The following B4GALT4 variants were observed in gnomAD, a reference collection of about 807,000 sequenced individuals.
B4GALT4 encodes the protein beta-1,4-galactosyltransferase 4.
A neutral mutation model predicts 37.3 loss-of-function variants in B4GALT4; 27 were observed. The observed-to-expected ratio is 0.72, with a 90% CI of 0.53 to 1.00. The LOEUF (loss-of-function observed/expected upper bound fraction) is 1.00, where lower values mean the gene tolerates loss of function less well. B4GALT4 is among the 50% of genes least tolerant of loss of function. The pLI is 0.00. For missense variants in B4GALT4, 372 were observed against 413.1 expected (o/e 0.90, Z 0.86); for synonymous variants, 148 against 154.1 (o/e 0.96, Z 0.29).
chr3:119,238,500 T>C (rs1168133393), intron 1 of B4GALT4, among the ~76,000 whole-genome samples: 1 of 152,190 alleles, frequency 6.6e-6, no homozygotes, highest in Non-Finnish European at 1.5e-5. Flanking sequence ...TAAAATATAG[T>C]AGTCCTTGGT....
chr3:119,217,182 G>C (rs1453088725), intron 6 of B4GALT4, among the ~76,000 whole-genome samples: 1 of 152,228 alleles, frequency 6.6e-6, no homozygotes, highest in African/African-American at 2.4e-5. Flanking sequence ...GAAGATATGT[G>C]ATCAGGGCAA....
intron 3 of B4GALT4, 23 bp downstream of exon 3, chr3:119,229,824 C>T: frequency 6.2e-7 from 1 of 1,609,204 alleles, no homozygotes; most frequent in Non-Finnish European, 8.5e-7. Flanking sequence ...ACTACTTAAT[C>T]AAAGGAAAAA....
At chr3:119,227,477 C>T (rs1207500756) in intron 3 of B4GALT4, among the ~76,000 whole-genome samples, 8 of 152,152 alleles carry the variant, frequency 5.3e-5, no homozygotes, top group Non-Finnish European at 1.2e-4. Flanking sequence ...CTGGACAAGG[C>T]ACTCTTCCCA....
intron 6 of B4GALT4, among the ~76,000 whole-genome samples, chr3:119,216,656 G>T (rs1186291055): frequency 6.6e-6 from 1 of 152,100 alleles, no homozygotes. Context: ...AAAAAAAAAT[G>T]ATAAAGTACT....
chr3:119,227,260 A>G (rs1462798707), intron 3 of B4GALT4, among the ~76,000 whole-genome samples: 3 of 152,228 alleles, frequency 2.0e-5, no homozygotes, highest in Admixed American at 6.5e-5. Context: ...TGGTGGATAT[A>G]TAATATAAGC....
At chr3:119,216,637 T>C (rs1383367223) in intron 6 of B4GALT4, among the ~76,000 whole-genome samples, 1 of 152,204 alleles carries the variant, frequency 6.6e-6, no homozygotes, top group African/African-American at 2.4e-5. Flanking sequence ...CTTAGTCATT[T>C]TCAAAAAGAA....
rs749718696 is a variant in B4GALT4 at position 119,218,721 on chromosome 3, C to G, written c.726G>C (p.Gln242His). 1.2e-6 allele frequency: 2 copies of G among 1,614,098 alleles called. No individual in the cohort carries two copies. Among genetic ancestry groups the G allele is most frequent in the African/African-American group, 2.7e-5 (2 of 74,940 alleles). The change falls in exon 6 of 8, where the codon CAG becomes CAC. Residue 242 changes from glutamine (Q) to histidine (H), a missense_variant. By Grantham distance (24) the Gln-to-His change is conservative. Transcript: ENST00000393765. ...FGGVTALSRE[Q>H]FFKVNGFSNN... is the part of the protein sequence containing the mutation. ...TAGAGAATCCATTCACCTTGAAAAA[C>G]TGCTCTCTGCTTAGGGCAGTAACAC...
chr3:119,229,009 CA>C (rs1266374608), intron 3 of B4GALT4, among the ~76,000 whole-genome samples: 11 of 152,310 alleles, frequency 7.2e-5, no homozygotes, highest in South Asian at 4.1e-4. Flanking sequence ...TACTGTTTAA[CA>C]TAAGTTGAGA....
In B4GALT4 at chr3:119,216,413, C is replaced by T. The variant is rs558873007; in HGVS notation, c.798-69G>A. On this transcript the variant is annotated intron_variant, in intron 6 of 7. Transcript: ENST00000393765. ...CTACCACTAGGCAAATAAAAAGCAT[C>T]ATTTGCGAAAATTTATACACACACA... The T allele has an allele frequency of 1.7e-4, 204 of 1,221,304 alleles. 3 individuals carry two copies. In the South Asian group the frequency reaches 2.6e-3, roughly 16 times the overall value. 75.7% of individuals were successfully genotyped at this position (1,221,304 alleles called of 1,614,324 possible). A position where few individuals can be genotyped will look rare whatever the true frequency, so the allele number is the denominator to read the frequency against.
chr3:119,231,825 A>G (rs1436881346), intron 2 of B4GALT4, among the ~76,000 whole-genome samples: 1 of 145,656 alleles, frequency 6.9e-6, no homozygotes, highest in African/African-American at 2.5e-5. Context: ...TTATATTTTA[A>G]TATATTTTAT....
At chr3:119,221,577 A>T (rs956585550) in intron 5 of B4GALT4, among the ~76,000 whole-genome samples, 1 of 152,224 alleles carries the variant, frequency 6.6e-6, no homozygotes, top group African/African-American at 2.4e-5. Flanking sequence ...TACATTACTT[A>T]TACATACCTC....
chr3:119,225,064 G>A (rs1167241172), intron 4 of B4GALT4, among the ~76,000 whole-genome samples: 1 of 152,152 alleles, frequency 6.6e-6, no homozygotes, highest in Non-Finnish European at 1.5e-5. Flanking sequence ...GAAAGAGAAA[G>A]TTATTGCTAA....
At chr3:119,231,761 AT>A (rs1383135987) in intron 2 of B4GALT4, among the ~76,000 whole-genome samples, 1 of 140,064 alleles carries the variant, frequency 7.1e-6, no homozygotes, top group African/African-American at 2.7e-5. Context: ...TATAAATTTT[AT>A]TTTATTTAAT....
At chr3:119,216,218 G>A (rs2078285136) in intron 7 of B4GALT4, 22 bp downstream of exon 7, 3 of 1,574,042 alleles carry the variant, frequency 1.9e-6, no homozygotes, top group African/African-American at 1.4e-5. Context: ...TAGCCTGCTA[G>A]GCAGGTGAAG....
intron 4 of B4GALT4, 82 bp from the exon 5 acceptor site, chr3:119,224,327 TGGTA>T: frequency 1.8e-6 from 2 of 1,115,662 alleles, no homozygotes; most frequent in Non-Finnish European, 1.3e-6. Context: ...ATTCAGGAGA[TGGTA>T]TTATTCTAAT....
At chr3:119,234,976 T>G (rs143979555) in intron 2 of B4GALT4, 3 of 152,228 alleles carry the variant, frequency 2.0e-5, no homozygotes, top group South Asian at 2.1e-4. Flanking sequence ...GAAAACCATA[T>G]AAAGAGAATT....
intron 7 of B4GALT4, chr3:119,212,910 C>G (rs2078199025): frequency 2.2e-6 from 1 of 461,896 alleles, no homozygotes; most frequent in Non-Finnish European, 3.8e-6. Context: ...AAAAGTGTCA[C>G]TGCACTCAGT....
In B4GALT4 at chr3:119,212,488, T is replaced by C; in HGVS notation, c.*61A>G. 3 of 1,517,632 alleles carry C rather than the reference T, an allele frequency of 2.0e-6. No homozygotes were observed. The highest frequency in any genetic ancestry group is 8.9e-7 in the Non-Finnish European group (1 of 1,129,586). 94.0% of individuals were successfully genotyped at this position (1,517,632 alleles called of 1,614,324 possible). ...AATGTGTGCTACTATTTGAAGTCTC[T>C]AGGCCAAAATTATTGCAAACAAAGA... is the stretch of plus-strand genomic sequence containing the variant. On this transcript the variant is annotated 3_prime_UTR_variant, in exon 8 of 8. Transcript: ENST00000393765.
intron 2 of B4GALT4, among the ~76,000 whole-genome samples, chr3:119,231,289 C>T (rs1206307590): frequency 6.6e-6 from 1 of 152,158 alleles, no homozygotes; most frequent in East Asian, 1.9e-4. Context: ...ACAGAAAATA[C>T]ACTAAAGTGG....
Sources: allele counts gnomAD v4.1 joint callset (sites outside exome capture counted in the v4.1 genomes callset), GRCh38; gene constraint gnomAD v4.1.1; transcripts MANE v1.5; gene names NCBI Gene and HGNC (gene_info 2026-07-23, HGNC 2026-07-21).